RBFOX1: variants seen among roughly 807,000 people sequenced by gnomAD.
RBFOX1 encodes the protein RNA binding protein fox-1 homolog 1.
RBFOX1 carries 8 observed loss-of-function variants against 57.7 expected under a neutral mutation model. That is an observed-to-expected ratio of 0.14 (90% CI 0.08 to 0.25). The LOEUF is 0.25. RBFOX1 is among the 10% of genes least tolerant of loss of function. The pLI is 1.00. For missense variants in RBFOX1, 611 were observed against 548.5 expected (o/e 1.11, Z -1.14); for synonymous variants, 326 against 222.4 (o/e 1.47, Z -4.15).
At chr16:5,380,707 T>G (rs2151390610) in intron 1 of RBFOX1, among the ~76,000 whole-genome samples, 1 of 152,304 alleles carries the variant, frequency 6.6e-6, no homozygotes, top group South Asian at 2.1e-4. Context: ...GGCAAGTAAG[T>G]TGTCCAAAGA....
At chr16:6,810,483 G>A (rs780007588) in intron 3 of RBFOX1, among the ~76,000 whole-genome samples, 3 of 152,002 alleles carry the variant, frequency 2.0e-5, no homozygotes, top group Non-Finnish European at 4.4e-5. Flanking sequence ...TCATGGCACC[G>A]TTCATGAGTC....
At chr16:6,943,691 G>C (rs1317046095) in intron 3 of RBFOX1, among the ~76,000 whole-genome samples, 1 of 148,522 alleles carries the variant, frequency 6.7e-6, no homozygotes, top group Non-Finnish European at 1.5e-5. Flanking sequence ...CTGGGCGAGA[G>C]AGTGAGACTC....
chr16:7,686,816 G>C lies in RBFOX1; in HGVS notation c.995+9978G>C, dbSNP rs375894445. ...CACCTGAGCCTAGACAAGAAGTGCA[G>C]TGGGAACTGGGGAGAATGTTAAATG... is the stretch of plus-strand genomic sequence containing the variant. On this transcript the variant is annotated intron_variant, in intron 14 of 15. Coordinates refer to ENST00000550418, the MANE Select transcript of RBFOX1 (RefSeq NM_018723.4). 8.5e-5 allele frequency among the ~76,000 whole-genome samples: 13 copies of C among 152,244 alleles called. 1 individual carries two copies. The highest frequency in any genetic ancestry group is 4.1e-4 in the South Asian group (2 of 4,828).
chr16:6,530,028 T>C (rs1457539585), intron 2 of RBFOX1, among the ~76,000 whole-genome samples: 4 of 152,214 alleles, frequency 2.6e-5, no homozygotes, highest in Non-Finnish European at 5.9e-5. Flanking sequence ...TCTGTCATTT[T>C]CTCTTTCAAA....
At position 6,780,256 on chromosome 16, in the gene RBFOX1, T is replaced by C. The variant is rs1479877319; in HGVS notation, c.-16+125606T>C. On this transcript the variant is annotated intron_variant, in intron 3 of 15. Coordinates refer to ENST00000550418, the MANE Select transcript of RBFOX1 (RefSeq NM_018723.4). The stretch of plus-strand genomic sequence containing the variant: ...TTATATATATTTACATATATATTTA[T>C]ATATATATTTATACATATATATATT... 3.6e-3 allele frequency among the ~76,000 whole-genome samples: 294 copies of C among 81,112 alleles called. 4 individuals are homozygous for C. The highest frequency in any genetic ancestry group is 0.016 in the Middle Eastern group (1 of 64). The allele number at this position is 81,112 out of a possible 152,430, so 53.2% of individuals were successfully genotyped here. A position where few individuals can be genotyped will look rare whatever the true frequency, so the allele number is the denominator to read the frequency against.
At chr16:6,233,602 C>T (rs1204050582) in intron 1 of RBFOX1, among the ~76,000 whole-genome samples, 1 of 152,094 alleles carries the variant, frequency 6.6e-6, no homozygotes, top group East Asian at 1.9e-4. Flanking sequence ...CCACACCACA[C>T]CAGTCGCCTT....
intron 3 of RBFOX1, among the ~76,000 whole-genome samples, chr16:5,741,590 A>G (rs2052770436): frequency 6.6e-6 from 1 of 152,174 alleles, no homozygotes; most frequent in Non-Finnish European, 1.5e-5. Context: ...TTTATACACA[A>G]TCTTTTATCT....
intron 7 of RBFOX1, among the ~76,000 whole-genome samples, chr16:7,591,666 T>A (rs561967797): frequency 6.6e-6 from 1 of 152,308 alleles, no homozygotes; most frequent in African/African-American, 2.4e-5. Flanking sequence ...TGGGAAGGTG[T>A]GTCTCTGACT....
intron 2 of RBFOX1, among the ~76,000 whole-genome samples, chr16:6,579,285 G>A (rs865987308): frequency 2.0e-5 from 3 of 151,790 alleles, no homozygotes; most frequent in Admixed American, 2.0e-4. Context: ...CTCTCTGTAG[G>A]CTTGATCTAC....
intron 14 of RBFOX1, among the ~76,000 whole-genome samples, chr16:7,701,120 C>T (rs746213526): frequency 9.3e-5 from 14 of 150,190 alleles, no homozygotes; most frequent in Admixed American, 4.6e-4. Flanking sequence ...TGAAGTTAAG[C>T]GCTTTAAAGA....
intron 3 of RBFOX1, among the ~76,000 whole-genome samples, chr16:6,796,688 G>A (rs62016120): frequency 0.22 from 33,536 of 151,960 alleles, 4,769 homozygotes; most frequent in Non-Finnish European, 0.31. Context: ...TTACCAATTG[G>A]TAAGAGATTC....
chr16:7,440,813 C>G (rs1336032310), intron 4 of RBFOX1, among the ~76,000 whole-genome samples: 2 of 152,246 alleles, frequency 1.3e-5, no homozygotes, highest in East Asian at 3.9e-4. Flanking sequence ...CATTTAGCAG[C>G]CCTCAAGGGG....
At chr16:5,725,538 C>G (rs563119916) in intron 3 of RBFOX1, among the ~76,000 whole-genome samples, 2 of 152,022 alleles carry the variant, frequency 1.3e-5, no homozygotes, top group African/African-American at 4.8e-5. Flanking sequence ...GTTGGGACTA[C>G]TGGTGTGAGC....
intron 4 of RBFOX1, among the ~76,000 whole-genome samples, chr16:7,187,096 G>A (rs973655436): frequency 6.6e-6 from 1 of 151,630 alleles, no homozygotes; most frequent in Non-Finnish European, 1.5e-5. Context: ...TTAGCCTCAT[G>A]AGGTCAGGGC....
chr16:7,070,865 C>A (rs1378877516), intron 4 of RBFOX1, among the ~76,000 whole-genome samples: 1 of 152,124 alleles, frequency 6.6e-6, no homozygotes, highest in Non-Finnish European at 1.5e-5. Context: ...CCAAGGGTGA[C>A]AAAACCAGCA....
chr16:6,545,786 A>G (rs1567629652), intron 2 of RBFOX1, among the ~76,000 whole-genome samples: 1 of 152,234 alleles, frequency 6.6e-6, no homozygotes, highest in Non-Finnish European at 1.5e-5. Context: ...AGGAAGGCAT[A>G]TAGTGGACAG....
chr16:5,609,290 T>A (rs993568015), intron 3 of RBFOX1, among the ~76,000 whole-genome samples: 3 of 152,190 alleles, frequency 2.0e-5, no homozygotes, highest in Admixed American at 6.5e-5. Flanking sequence ...AGAGCTGTAT[T>A]TTAAATGTGA....
chr16:7,490,608 G>A (rs996173549), intron 4 of RBFOX1, among the ~76,000 whole-genome samples: 14 of 152,166 alleles, frequency 9.2e-5, no homozygotes, highest in African/African-American at 3.1e-4. Context: ...ATTAACTTGG[G>A]TTAGCAAATT....
chr16:7,451,059 A>G (rs2098848170), intron 4 of RBFOX1, among the ~76,000 whole-genome samples: 1 of 152,102 alleles, frequency 6.6e-6, no homozygotes, highest in Admixed American at 6.6e-5. Context: ...GGAGTCCCTG[A>G]GTGACAAGGA....
Sources: gnomAD v4.1 joint callset for allele counts (sites outside exome capture counted in the v4.1 genomes callset) on GRCh38, gnomAD v4.1.1 for gene constraint, MANE v1.5 for transcripts, NCBI Gene and HGNC (gene_info 2026-07-23, HGNC 2026-07-21) for gene names.